The following SON variants were observed in gnomAD, a reference collection of about 807,000 sequenced individuals.
SON encodes protein SON.
A neutral mutation model predicts 173.3 loss-of-function variants in SON; 4 were observed. The ratio of observed to expected loss-of-function variants is 0.02; its 90% CI spans 0.01 to 0.05. The LOEUF is 0.05. SON is among the 10% of genes least tolerant of loss of function. The pLI is 1.00. For synonymous variants in SON, 1,190 were observed against 1,105.9 expected, an observed-to-expected ratio of 1.08 and a Z score of -1.51; for missense variants, 2,626 against 3,055.3, an observed-to-expected ratio of 0.86 and a Z score of 3.31.
At chr21:33,545,874 G>C (rs1184609084) in intron 1 of SON, among the ~76,000 whole-genome samples, 1 of 152,150 alleles carries the variant, frequency 6.6e-6, no homozygotes, top group Non-Finnish European at 1.5e-5. Flanking sequence ...CTTTTGATTT[G>C]TGACCGGGCT....
At chr21:33,565,085 T>A (rs2086142585) in intron 6 of SON, among the ~76,000 whole-genome samples, 1 of 152,174 alleles carries the variant, frequency 6.6e-6, no homozygotes, top group African/African-American at 2.4e-5. Flanking sequence ...TTGAAGAGTT[T>A]CATTCTGGGG....
At chr21:33,558,721 C>G (rs2086013474) in intron 4 of SON, 1 of 152,114 alleles carries the variant, frequency 6.6e-6, no homozygotes, top group African/African-American at 2.4e-5. Flanking sequence ...AGTCTTTGTT[C>G]TTTACTATGA....
In SON at chr21:33,554,141, C is replaced by G; in HGVS notation, c.4910C>G (p.Thr1637Ser). Residue 1637 changes from threonine (T) to serine (S), a missense_variant, in exon 3 of 12, where the codon ACT becomes AGT. Transcript: ENST00000356577. ...GATTTATCTTTAACTACTCAAGATA[C>G]TGAACATGACATGGTAATTTCCACC... Reference protein sequence around the residue: ...DVDLSLTTQDTEHDMVISTSP... With the variant: ...DVDLSLTTQDSEHDMVISTSP... 6.2e-7 allele frequency: 1 copy of G among 1,614,022 alleles called. No individual in the cohort carries two copies. Among genetic ancestry groups the G allele is most frequent in the Non-Finnish European group, 8.5e-7 (1 of 1,179,924 alleles).
chr21:33,549,195 C>G (rs1216751431), intron 2 of SON, among the ~76,000 whole-genome samples: 1 of 151,764 alleles, frequency 6.6e-6, no homozygotes, highest in African/African-American at 2.4e-5. Flanking sequence ...CCGCCTCAGC[C>G]TCCCAAATAG....
intron 9 of SON, among the ~76,000 whole-genome samples, chr21:33,575,148 G>T (rs2086370002): frequency 6.6e-6 from 1 of 152,016 alleles, no homozygotes. Context: ...CGATTCTCCT[G>T]CCCCAGCCTC....
chr21:33,549,470 T>G lies in SON; in HGVS notation c.245-6T>G. On this transcript the variant is annotated splice_polypyrimidine_tract_variant and splice_region_variant and intron_variant, in intron 2 of 11. Coordinates refer to ENST00000356577, the MANE Select transcript of SON (RefSeq NM_138927.4). ...GTCTGACAAAATTAATTTCTATTAC[T>G]TTTAGACTTGAAAGAGGGCTCCAGA... is the stretch of plus-strand genomic sequence containing the variant. 1 of 1,523,570 alleles carries G rather than the reference T, an allele frequency of 6.6e-7. No individual in the cohort carries two copies. The highest frequency in any genetic ancestry group is 8.8e-7 in the Non-Finnish European group (1 of 1,142,806). 94.4% of individuals were successfully genotyped at this position (1,523,570 alleles called of 1,614,324 possible).
At position 33,576,578 on chromosome 21, in the gene SON, T is replaced by C. The variant is rs1044410835; in HGVS notation, c.*154T>C. ...TTCAGGAGTGCCTCACGTAGATAGA[T>C]TGAGGTTTTATAATAATCATTTCAG... On this transcript the variant is annotated 3_prime_UTR_variant, in exon 12 of 12. Coordinates refer to ENST00000356577, the MANE Select transcript of SON (RefSeq NM_138927.4). 1 of 741,750 alleles carries C rather than the reference T, an allele frequency of 1.3e-6. No individual in the cohort carries two copies. Among genetic ancestry groups the C allele is most frequent in the African/African-American group, 1.7e-5 (1 of 57,776 alleles). The allele number at this position is 741,750 out of a possible 1,614,324, so 45.9% of individuals were successfully genotyped here. A position where few individuals can be genotyped will look rare whatever the true frequency, so the allele number is the denominator to read the frequency against.
Position 33,550,837 on chromosome 21 carries a change from T to C in SON, c.1606T>C (p.Leu536=), listed in dbSNP as rs578069332. Residue 536 remains leucine (L), a synonymous_variant, in exon 3 of 12, where the codon TTG becomes CTG. Coordinates refer to ENST00000356577, the MANE Select transcript of SON (RefSeq NM_138927.4). ...TCCTGAGGTGACAACGGCAACAGGG[T>C]TGCTGGGGCAGCCTGAGGCAACGAT... The part of the protein sequence containing the change: ...GHPEVTTATG[L]LGQPEATMVL... 1.1e-5 allele frequency: 17 copies of C among 1,613,456 alleles called. No individual in the cohort carries two copies. The highest frequency in any genetic ancestry group is 1.4e-5 in the Non-Finnish European group (17 of 1,179,578).
intron 2 of SON, 81 bp downstream of exon 2, chr21:33,546,460 C>T (rs1424227815): frequency 1.8e-6 from 2 of 1,122,756 alleles, no homozygotes; most frequent in Non-Finnish European, 2.6e-6. Flanking sequence ...TAGTTTTTGA[C>T]TTCAGTATTT....
intron 6 of SON, chr21:33,560,159 G>GGAGAGGGCAGATCCTCAGGTTCAACACAA: frequency 6.3e-7 from 1 of 1,596,956 alleles, no homozygotes; most frequent in Non-Finnish European, 8.5e-7. Flanking sequence ...GGGATTGATC[G>GGAGAGGGCAGATCCTCAGGTTCAACACAA]GAGAGGGCAG....
rs892560375 is a variant in SON at position 33,552,124 on chromosome 21, A to G, written c.2893A>G (p.Met965Val). The change falls in exon 3 of 12, where the codon ATG becomes GTG. Residue 965 changes from methionine to valine, a missense_variant. This residue lies in a region of SON where 366 missense variants were observed against 448.6 expected (regional missense o/e 0.82). Transcript: ENST00000356577. This position sits in a 1 kb window ranked among gnomAD's most constrained non-coding sequence, Gnocchi z 5.6. ...PYRLTPDPYR[M>V]SPRPYRIAPR... ...CAGACTAACTCCTGATCCCTATAGG[A>G]TGTCACCTAGACCCTACAGGATAGC... The G allele has an allele frequency of 1.2e-6, 2 of 1,614,076 alleles. No individual in the cohort carries two copies. The highest frequency in any genetic ancestry group is 2.7e-5 in the African/African-American group (2 of 74,996).
At chr21:33,560,207 T>C (rs2086045411) in intron 6 of SON, 1 of 1,540,462 alleles carries the variant, frequency 6.5e-7, no homozygotes, top group South Asian at 1.3e-5. Flanking sequence ...TTGGAAAAGG[T>C]CATTGTAGGT....
At position 33,551,437 on chromosome 21, in the gene SON, C is replaced by G. The variant is rs781330713; in HGVS notation, c.2206C>G (p.Leu736Val). Residue 736 changes from leucine to valine, a missense_variant, in exon 3 of 12, where the codon CTA becomes GTA. Leu to Val is a conservative substitution (Grantham distance 32, BLOSUM62 1). This residue lies in a region of SON where 182 missense variants were observed against 193.6 expected (regional missense o/e 0.94). Transcript: ENST00000356577. The stretch of plus-strand genomic sequence containing the variant: ...ATCCAACACCATGGACTCCCAAATG[C>G]TAGCGTCCAACACCATGGACTCCCA... ...LASNTMDSQM[L>V]ASNTMDSQML... 3.7e-6 allele frequency: 6 copies of G among 1,613,800 alleles called. No individual in the cohort carries two copies. Among genetic ancestry groups the G allele is most frequent in the Admixed American group, 1.7e-5 (1 of 59,986 alleles).
In SON at chr21:33,551,873, T is replaced by C. The variant is rs2145825024; in HGVS notation, c.2642T>C (p.Met881Thr). The C allele has an allele frequency of 8.1e-6, 13 of 1,614,084 alleles. No individual in the cohort carries two copies. Among genetic ancestry groups the C allele is most frequent in the Non-Finnish European group, 1.1e-5 (13 of 1,180,010 alleles). The stretch of plus-strand genomic sequence containing the variant: ...TCTCAAATGTTAGCTTCTGGCACCA[T>C]GGATGCTCAGATGTTAGCGTCTGGT... ...MDSQMLASGT[M>T]DAQMLASGTM... The change falls in exon 3 of 12, where the codon ATG (methionine) becomes ACG (threonine). Residue 881 changes from methionine (M) to threonine (T), a missense_variant. Physicochemically the swap from Met to Thr is moderately conservative, Grantham distance 81. Around this residue, in one of 13 missense-constraint regions of SON, gnomAD observed 366 missense variants for 448.6 expected, o/e 0.82. Coordinates refer to ENST00000356577, the MANE Select transcript of SON (RefSeq NM_138927.4).
In SON at chr21:33,574,593, A is replaced by G. The variant is rs181204400; in HGVS notation, c.7034-1003A>G. 7.6e-3 allele frequency among the ~76,000 whole-genome samples: 1,163 copies of G among 152,348 alleles called. 9 individuals are homozygous for G. The highest frequency in any genetic ancestry group is 0.011 in the Non-Finnish European group (756 of 68,030). On this transcript the variant is annotated intron_variant, in intron 9 of 11. Coordinates refer to ENST00000356577, the MANE Select transcript of SON (RefSeq NM_138927.4). Reference sequence around the variant, plus strand: ...AACAGAAAACTTTTTGAATACTGATATGATGCTCAAAGGAAATACTCATTG... The same window carrying G: ...AACAGAAAACTTTTTGAATACTGATGTGATGCTCAAAGGAAATACTCATTG...
Position 33,553,243 on chromosome 21 carries a change from G to C in SON, c.4012G>C (p.Val1338Leu). ...SLLVPAVTTP[V>L]LAESILEPPA... ...GTTGGTTCCAGCAGTAACTACTCCA[G>C]TGCTGGCAGAGAGCATTCTGGAGCC... The change falls in exon 3 of 12, where the codon GTG becomes CTG. Residue 1338 changes from valine to leucine, a missense_variant. Coordinates refer to ENST00000356577, the MANE Select transcript of SON (RefSeq NM_138927.4). 1 of 1,614,148 alleles carries C rather than the reference G, an allele frequency of 6.2e-7. No homozygotes were observed.
intron 6 of SON, among the ~76,000 whole-genome samples, chr21:33,562,123 C>A (rs1159251345): frequency 6.6e-6 from 1 of 152,088 alleles, no homozygotes; most frequent in Non-Finnish European, 1.5e-5. Flanking sequence ...GAAATAGTCA[C>A]AATTTAAAAT....
Position 33,549,899 on chromosome 21 carries a change from C to T in SON, c.668C>T (p.Ser223Leu), listed in dbSNP as rs1290925030. 3 of 1,613,982 alleles carry T rather than the reference C, an allele frequency of 1.9e-6. No individual in the cohort carries two copies. The African/African-American group carries it at 4.0e-5, about 22-fold the overall frequency. ...ELSVVSTSVI[S>L]EQSEQSVAVM... ...TCAGTTGTATCTACATCAGTAATCT[C>T]AGAGCAGTCAGAGCAGTCTGTGGCA... The change falls in exon 3 of 12, where the codon TCA becomes TTA. Residue 223 changes from serine to leucine, a missense_variant. By Grantham distance (145) the Ser-to-Leu change is moderately radical. Around this residue, in one of 13 missense-constraint regions of SON, gnomAD observed 757 missense variants for 730.1 expected, o/e 1.04. Transcript: ENST00000356577.
At position 33,551,741 on chromosome 21, in the gene SON, C is replaced by T; in HGVS notation, c.2510C>T (p.Ala837Val). Residue 837 changes from alanine to valine, a missense_variant, in exon 3 of 12, where the codon GCA becomes GTA. Ala to Val is a moderately conservative substitution (Grantham distance 64). This residue lies in a region of SON where 38 missense variants were observed against 92.1 expected (regional missense o/e 0.41). Transcript: ENST00000356577. ...AGCTCCATGGACTCCCAGATGTTAG[C>T]AACCAGCACCATGGATTCTCAGATG... is the stretch of plus-strand genomic sequence containing the variant. ...ATSSMDSQML[A>V]TSTMDSQMLA... is the part of the protein sequence containing the mutation. 1 of 1,612,840 alleles carries T rather than the reference C, an allele frequency of 6.2e-7. No homozygotes were observed. Among genetic ancestry groups the T allele is most frequent in the Non-Finnish European group, 8.5e-7 (1 of 1,179,998 alleles).
Sources: allele counts gnomAD v4.1 joint callset (sites outside exome capture counted in the v4.1 genomes callset), GRCh38; gene constraint gnomAD v4.1.1; regional missense constraint gnomAD v4.1.1; non-coding constraint Gnocchi (gnomAD v3.1); transcripts MANE v1.5; gene names NCBI Gene and HGNC (gene_info 2026-07-23, HGNC 2026-07-21).